Variants in HNRNPUL1 observed in about 807,000 individuals in gnomAD.
HNRNPUL1 encodes heterogeneous nuclear ribonucleoprotein U like 1.
HNRNPUL1 carries 14 observed loss-of-function variants against 108.5 expected under a neutral mutation model. That is an observed-to-expected ratio of 0.13 (90% CI 0.09 to 0.20). The LOEUF is 0.20. HNRNPUL1 is among the 10% of genes least tolerant of loss of function. The pLI is 1.00. For synonymous variants in HNRNPUL1, 422 were observed against 445.2 expected (o/e 0.95, Z 0.66); for missense variants, 804 against 1,168.3 (o/e 0.69, Z 4.55).
intron 11 of HNRNPUL1, 192 bp downstream of exon 11, chr19:41,301,896 G>C (rs914550209): frequency 1.7e-6 from 1 of 592,692 alleles, no homozygotes; most frequent in Non-Finnish European, 2.9e-6. Flanking sequence ...CTTATGTTGG[G>C]GTTTTCAGGC....
chr19:41,295,692 T>C (rs1169327705), intron 10 of HNRNPUL1, among the ~76,000 whole-genome samples: 1 of 152,246 alleles, frequency 6.6e-6, no homozygotes, highest in African/African-American at 2.4e-5. Flanking sequence ...CTTCCTGAAG[T>C]GCCTTCCATA....
chr19:41,292,559 AGG>A lies in HNRNPUL1; in HGVS notation c.1266+49_1266+50del. On this transcript the variant is annotated intron_variant, in intron 8 of 14. Coordinates refer to ENST00000392006, the MANE Select transcript of HNRNPUL1 (RefSeq NM_007040.6). The surrounding 1 kb of genome is among the most constrained non-coding windows in gnomAD (Gnocchi z 4.1). Reference sequence around the variant, plus strand: ...GGTGGCCACCTTGCTGCCAAGACAGAGGAGACACACACACACACACACACACA... The same window carrying A: ...GGTGGCCACCTTGCTGCCAAGACAGAAGACACACACACACACACACACACA... 1 of 1,577,462 alleles carries A rather than the reference AGG, an allele frequency of 6.3e-7. No individual in the cohort carries two copies. Among genetic ancestry groups the A allele is most frequent in the Non-Finnish European group, 8.6e-7 (1 of 1,157,398 alleles).
At chr19:41,293,666 C>T (rs2036720336) in intron 8 of HNRNPUL1, among the ~76,000 whole-genome samples, 1 of 152,278 alleles carries the variant, frequency 6.6e-6, no homozygotes, top group Admixed American at 6.5e-5. Context: ...CACAGCCTTC[C>T]CTGGGCTATT....
intron 8 of HNRNPUL1, among the ~76,000 whole-genome samples, chr19:41,293,089 T>C (rs1307180889): frequency 6.6e-6 from 1 of 152,232 alleles, no homozygotes; most frequent in African/African-American, 2.4e-5. Flanking sequence ...CCCAGAGCTA[T>C]CAAAAGATAA....
chr19:41,264,033 G>A (rs926688327), upstream of HNRNPUL1, among the ~76,000 whole-genome samples: 3 of 152,332 alleles, frequency 2.0e-5, no homozygotes, highest in East Asian at 3.9e-4. Flanking sequence ...GCGCAGGAAA[G>A]GCCGTGGGAC....
At chr19:41,265,915 A>G (rs1392290353) in intron 1 of HNRNPUL1, among the ~76,000 whole-genome samples, 1 of 152,008 alleles carries the variant, frequency 6.6e-6, no homozygotes, top group Non-Finnish European at 1.5e-5. Flanking sequence ...GAGGCCTCAG[A>G]GTGGAGTGTG....
intron 7 of HNRNPUL1, among the ~76,000 whole-genome samples, chr19:41,282,619 A>C (rs867257155): frequency 1.3e-5 from 2 of 152,148 alleles, no homozygotes; most frequent in Non-Finnish European, 1.5e-5. Flanking sequence ...GTACATACAC[A>C]TAGAGAGTTA....
chr19:41,272,857 C>T (rs970257820), intron 3 of HNRNPUL1, among the ~76,000 whole-genome samples: 1 of 152,318 alleles, frequency 6.6e-6, no homozygotes, highest in Admixed American at 6.5e-5. Context: ...CCTTTCCCTC[C>T]AGACCAAGTC....
Position 41,272,246 on chromosome 19 carries a change from GA to G in HNRNPUL1, c.572+12del. 6.2e-7 allele frequency: 1 copy of G among 1,611,942 alleles called. No homozygotes were observed. The highest frequency in any genetic ancestry group is 8.5e-7 in the Non-Finnish European group (1 of 1,179,370). ...CCGAGAGGATAGGAGGTGGGTGTATGAGGCAGCAGTCACCCTTGCTCTGGTA... is the reference window on the plus strand; with the variant it reads ...CCGAGAGGATAGGAGGTGGGTGTATGGGCAGCAGTCACCCTTGCTCTGGTA... On this transcript the variant is annotated intron_variant, in intron 3 of 14. Transcript: ENST00000392006.
At chr19:41,278,437 T>C (rs2035704192) in intron 5 of HNRNPUL1, 1 of 150,058 alleles carries the variant, frequency 6.7e-6, no homozygotes, top group South Asian at 2.1e-4. Context: ...TGATATTTTT[T>C]CTGATGTTAA....
chr19:41,267,286 T>C (rs574103180), intron 1 of HNRNPUL1, among the ~76,000 whole-genome samples: 2 of 152,268 alleles, frequency 1.3e-5, no homozygotes, highest in East Asian at 1.9e-4. Flanking sequence ...CCTAGAATTA[T>C]AGCTTCTCCA....
intron 1 of HNRNPUL1, among the ~76,000 whole-genome samples, chr19:41,266,972 TTAG>T (rs1253335646): frequency 6.6e-6 from 1 of 151,916 alleles, no homozygotes; most frequent in East Asian, 1.9e-4. Context: ...GGGTAGTGGG[TTAG>T]TAGTGACCTG....
At chr19:41,270,419 A>T (rs544011640) in intron 2 of HNRNPUL1, among the ~76,000 whole-genome samples, 1 of 152,154 alleles carries the variant, frequency 6.6e-6, no homozygotes, top group East Asian at 1.9e-4. Flanking sequence ...TTTTTTTTTT[A>T]ATTAAATTTA....
intron 14 of HNRNPUL1, 37 bp downstream of exon 14, chr19:41,305,904 C>A: frequency 1.5e-6 from 2 of 1,354,154 alleles, no homozygotes; most frequent in Non-Finnish European, 2.1e-6. Context: ...GATGGAGAGA[C>A]TTCCATGGGC....
chr19:41,275,163 A>G (rs2035472202), intron 4 of HNRNPUL1, among the ~76,000 whole-genome samples: 1 of 152,186 alleles, frequency 6.6e-6, no homozygotes, highest in Admixed American at 6.5e-5. Flanking sequence ...GCAGGTGTGG[A>G]TCAGGGTCAG....
At chr19:41,278,976 A>G (rs1171031435) in intron 5 of HNRNPUL1, 101 bp from the exon 6 acceptor site, 2 of 825,228 alleles carry the variant, frequency 2.4e-6, no homozygotes, top group African/African-American at 1.7e-5. Flanking sequence ...AAGAAAAGCC[A>G]TTGCTATTTT....
intron 7 of HNRNPUL1, among the ~76,000 whole-genome samples, chr19:41,285,365 A>G (rs1013707200): frequency 1.1e-4 from 17 of 152,142 alleles, no homozygotes; most frequent in Admixed American, 1.1e-3. Context: ...CTGGGATTAC[A>G]TACTTGCGCC....
chr19:41,293,912 TAGA>T lies in HNRNPUL1; in HGVS notation c.1267-423_1267-421del, dbSNP rs375916139. ...GTTCTAGCTACTCTGGAGGCTGATG[TAGA>T]AGGATTGCTTGAGCCTGGGAGTTCA... On this transcript the variant is annotated intron_variant, in intron 8 of 14. Transcript: ENST00000392006. Among the ~76,000 whole-genome samples the T allele has an allele frequency of 8.5e-4, 129 of 152,204 alleles. 1 individual carries two copies. Among genetic ancestry groups the T allele is most frequent in the African/African-American group, 3.0e-3 (126 of 41,532 alleles).
intron 10 of HNRNPUL1, among the ~76,000 whole-genome samples, chr19:41,296,605 C>T (rs1478970062): frequency 6.6e-6 from 1 of 152,172 alleles, no homozygotes; most frequent in Non-Finnish European, 1.5e-5. Flanking sequence ...AAGTGGGTTC[C>T]AGAAAACTCT....
Sources: allele counts gnomAD v4.1 joint callset (sites outside exome capture counted in the v4.1 genomes callset), GRCh38; gene constraint gnomAD v4.1.1; non-coding constraint Gnocchi (gnomAD v3.1); transcripts MANE v1.5; gene names NCBI Gene and HGNC (gene_info 2026-07-23, HGNC 2026-07-21).